PDXDC1: variants seen among roughly 807,000 people sequenced by gnomAD.
PDXDC1 encodes pyridoxal-dependent decarboxylase domain-containing protein 1.
In PDXDC1, 42 loss-of-function variants were observed where a neutral mutation model predicts 100.1. The observed-to-expected ratio is 0.42, with a 90% CI of 0.33 to 0.54. The LOEUF is 0.54. PDXDC1 is among the 20% of genes least tolerant of loss of function. PDXDC1 has a pLI of 0.10. For missense variants in PDXDC1, 636 were observed against 979.2 expected, an observed-to-expected ratio of 0.65 and a Z score of 4.68; for synonymous variants, 260 against 371.7, an observed-to-expected ratio of 0.70 and a Z score of 3.46.
chr16:14,982,002 G>A (rs1968107168), intron 1 of PDXDC1, among the ~76,000 whole-genome samples: 1 of 152,262 alleles, frequency 6.6e-6, no homozygotes, highest in Admixed American at 6.5e-5. Context: ...CTAATTTTTT[G>A]TATTTTTAGT....
intron 8 of PDXDC1, among the ~76,000 whole-genome samples, chr16:15,010,942 C>A (rs2041208276): frequency 6.6e-6 from 1 of 152,280 alleles, no homozygotes; most frequent in South Asian, 2.1e-4. Flanking sequence ...TTCAAGAAGA[C>A]CCAAGAACGA....
chr16:15,077,771 G>C (rs1307351120), intron 16 of PDXDC1, among the ~76,000 whole-genome samples: 1 of 152,232 alleles, frequency 6.6e-6, no homozygotes, highest in African/African-American at 2.4e-5. Context: ...AACCCCGGAG[G>C]TGGAGGTTGC....
Position 15,024,839 on chromosome 16 carries a change from C to T in PDXDC1, c.1141-1804C>T, listed in dbSNP as rs1237251213. On this transcript the variant is annotated intron_variant, in intron 13 of 22. Transcript: ENST00000396410. ...CCCACCGTCAGACATCACTCCATCCCCCTGGGTCGTCTTCATCACTCTTAC... is the reference window on the plus strand; with the variant it reads ...CCCACCGTCAGACATCACTCCATCCTCCTGGGTCGTCTTCATCACTCTTAC... 4.6e-5 allele frequency among the ~76,000 whole-genome samples: 7 copies of T among 152,420 alleles called. No individual in the cohort carries two copies. The East Asian group carries it at 7.7e-4, about 17-fold the overall frequency.
chr16:15,092,249 G>A (rs942823304), intron 16 of PDXDC1, among the ~76,000 whole-genome samples: 3 of 152,078 alleles, frequency 2.0e-5, no homozygotes, highest in African/African-American at 7.2e-5. Context: ...AAGATGCTTC[G>A]TAAATAAAGC....
downstream of PDXDC1, among the ~76,000 whole-genome samples, chr16:15,038,945 A>AACTT (rs1276445860): frequency 3.9e-5 from 6 of 152,160 alleles, no homozygotes; most frequent in Non-Finnish European, 8.8e-5. Flanking sequence ...TTGGGGTGAA[A>AACTT]ACTTGAGGCT....
intron 1 of PDXDC1, among the ~76,000 whole-genome samples, chr16:14,976,109 G>C (rs1966799833): frequency 6.6e-6 from 1 of 152,408 alleles, no homozygotes; most frequent in African/African-American, 2.4e-5. Flanking sequence ...GTTAGGGCTT[G>C]TAAATGGAAA....
chr16:14,991,283 G>A (rs1446920565), intron 1 of PDXDC1, among the ~76,000 whole-genome samples: 1 of 144,908 alleles, frequency 6.9e-6, no homozygotes, highest in African/African-American at 2.6e-5. Context: ...GTGTGTGTGT[G>A]TGTGTGTGTG....
rs770650652 is a variant in PDXDC1, at chr16:15,004,255, C to T, written c.311C>T (p.Thr104Ile). The T allele has an allele frequency of 2.2e-5, 35 of 1,614,018 alleles. No homozygotes were observed. The highest frequency in any genetic ancestry group is 2.9e-5 in the Non-Finnish European group (34 of 1,179,974). The change falls in exon 5 of 23, where the codon ACT becomes ATT. Residue 104 changes from threonine (T) to isoleucine (I), a missense_variant. Thr to Ile is a moderately conservative substitution (Grantham distance 89). This residue lies in a region of PDXDC1 where 125 missense variants were observed against 479.9 expected (regional missense o/e 0.26). Coordinates refer to ENST00000396410, the MANE Select transcript of PDXDC1 (RefSeq NM_015027.4). The part of the protein sequence containing the change: ...LGHSLGAYIS[T>I]LDKEKLRKLT... Reference sequence around the variant, plus strand: ...CATAGTCTGGGAGCTTATATTTCAACTCTGGACAAAGAGAAGCTGAGAAAA... The same window carrying T: ...CATAGTCTGGGAGCTTATATTTCAATTCTGGACAAAGAGAAGCTGAGAAAA...
At chr16:15,008,040 G>T (rs1247712117) in intron 6 of PDXDC1, among the ~76,000 whole-genome samples, 1 of 152,270 alleles carries the variant, frequency 6.6e-6, no homozygotes, top group Non-Finnish European at 1.5e-5. Context: ...TAGGGTAGGG[G>T]GCTAGGCATT....
intron 16 of PDXDC1, among the ~76,000 whole-genome samples, chr16:15,101,062 G>A (rs1268456920): frequency 1.3e-5 from 2 of 152,126 alleles, no homozygotes. Flanking sequence ...TATGTTTCCA[G>A]AACTTCAATT....
intron 7 of PDXDC1, chr16:15,009,222 G>T (rs1447253722): frequency 9.2e-4 from 338 of 367,478 alleles, no homozygotes; most frequent in Non-Finnish European, 1.4e-3. Flanking sequence ...TCATGGAATT[G>T]AGTTCTGCTT....
chr16:15,127,836 A>C (rs2047826236), intron 16 of PDXDC1: 1 of 1,564,318 alleles, frequency 6.4e-7, no homozygotes, highest in African/African-American at 1.4e-5. Flanking sequence ...TGTGCTTGTC[A>C]AAGAAGCCGC....
rs540583097 is a variant in PDXDC1 at position 14,993,996 on chromosome 16, T to G, written c.22-3757T>G. Reference sequence around the variant, plus strand: ...CCCACTTTTTGATGGGGTTGTTTTTTTCTTGTAAATTTGTTTGAGTTCATT... The same window carrying G: ...CCCACTTTTTGATGGGGTTGTTTTTGTCTTGTAAATTTGTTTGAGTTCATT... On this transcript the variant is annotated intron_variant, in intron 1 of 22. Coordinates refer to ENST00000396410, the MANE Select transcript of PDXDC1 (RefSeq NM_015027.4). Among the ~76,000 whole-genome samples the G allele has an allele frequency of 3.3e-5, 5 of 152,416 alleles. No homozygotes were observed. In the South Asian group the frequency reaches 1.0e-3, roughly 32 times the overall value.
intron 16 of PDXDC1, among the ~76,000 whole-genome samples, chr16:15,117,571 T>C (rs960788160): frequency 1.3e-5 from 2 of 151,020 alleles, no homozygotes; most frequent in African/African-American, 4.9e-5. Flanking sequence ...TGGGCACCTG[T>C]AATCCCAGCT....
At chr16:15,143,556 C>A (rs1174805199), downstream of PDXDC1, among the ~76,000 whole-genome samples, 1 of 152,204 alleles carries the variant, frequency 6.6e-6, no homozygotes, top group African/African-American at 2.4e-5. Context: ...CTCTCCTGCC[C>A]TCCCCCTGGG....
chr16:15,090,565 T>C (rs1252195856), intron 16 of PDXDC1, among the ~76,000 whole-genome samples: 2 of 152,208 alleles, frequency 1.3e-5, no homozygotes, highest in East Asian at 1.9e-4. Flanking sequence ...CACCTGTGAA[T>C]AGCCAGAGCA....
At chr16:15,118,625 AG>A (rs2047316782) in intron 16 of PDXDC1, among the ~76,000 whole-genome samples, 1 of 150,144 alleles carries the variant, frequency 6.7e-6, no homozygotes, top group South Asian at 2.1e-4. Flanking sequence ...AGAATAGTTT[AG>A]AAAGACTTTC....
intron 16 of PDXDC1, among the ~76,000 whole-genome samples, chr16:15,128,736 C>T (rs1180980060): frequency 6.6e-6 from 1 of 152,136 alleles, no homozygotes; most frequent in Non-Finnish European, 1.5e-5. Context: ...ACCCGTCCCT[C>T]AGTTCATGCA....
In PDXDC1 at chr16:15,037,887, CATTTGATG is replaced by C. The variant is rs1477903634; in HGVS notation, c.*1614_*1621del. 1.8e-6 allele frequency: 1 copy of C among 563,820 alleles called. No individual in the cohort carries two copies. Among genetic ancestry groups the C allele is most frequent in the Admixed American group, 3.2e-5 (1 of 30,970 alleles). 34.9% of individuals were successfully genotyped at this position (563,820 alleles called of 1,614,324 possible). A position where few individuals can be genotyped will look rare whatever the true frequency, so the allele number is the denominator to read the frequency against. ...CAAAATAAGGTTTTATTTTGAAAGT[CATTTGATG>C]AAAGTCATTTGAAAGACACTGAGGA... On this transcript the variant is annotated 3_prime_UTR_variant, in exon 23 of 23. Coordinates refer to ENST00000396410, the MANE Select transcript of PDXDC1 (RefSeq NM_015027.4).
Sources: allele counts gnomAD v4.1 joint callset (sites outside exome capture counted in the v4.1 genomes callset), GRCh38; gene constraint gnomAD v4.1.1; regional missense constraint gnomAD v4.1.1; transcripts MANE v1.5; gene names NCBI Gene and HGNC (gene_info 2026-07-23, HGNC 2026-07-21).